Variants in LRRC37A2 observed in about 807,000 individuals in gnomAD.
LRRC37A2 encodes the protein leucine-rich repeat-containing protein 37A2.
LRRC37A2 carries 9 observed loss-of-function variants against 68.8 expected under a neutral mutation model. The ratio of observed to expected loss-of-function variants is 0.13; its 90% CI spans 0.08 to 0.23. LRRC37A2 has a LOEUF of 0.23. Ranked by LOEUF, LRRC37A2 falls within the 10% of genes least tolerant of loss-of-function variation. The probability of loss-of-function intolerance (pLI) is 1.00; values close to 1 mark genes in which losing one functional copy is unlikely to be tolerated. For synonymous variants in LRRC37A2, 63 were observed against 367.6 expected (o/e 0.17, Z 9.48); for missense variants, 168 against 950.4 (o/e 0.18, Z 10.82).
chr17:46,996,376 C>G, the LRRC37A2 span, among the ~76,000 whole-genome samples: 1 of 152,220 alleles, frequency 6.6e-6, no homozygotes, highest in African/African-American at 2.4e-5. Flanking sequence ...GCCCAACCAG[C>G]CAAGACACTG....
chr17:46,907,088 C>T, the LRRC37A2 span, among the ~76,000 whole-genome samples: 1 of 152,222 alleles, frequency 6.6e-6, no homozygotes, highest in South Asian at 2.1e-4. Context: ...AGATGGCTTT[C>T]CTCTCCACCG....
the LRRC37A2 span, among the ~76,000 whole-genome samples, chr17:46,849,627 C>T: frequency 1.3e-5 from 2 of 152,324 alleles, no homozygotes; most frequent in South Asian, 2.1e-4. Context: ...GCTAGCTGTG[C>T]ACATCTCTTC....
the LRRC37A2 span, among the ~76,000 whole-genome samples, chr17:46,887,980 C>T: frequency 2.0e-5 from 3 of 152,216 alleles, no homozygotes; most frequent in African/African-American, 4.8e-5. Context: ...GGCAGCCAAA[C>T]TCAGTGGCTG....
chr17:46,974,530 C>A, the LRRC37A2 span, among the ~76,000 whole-genome samples: 2 of 152,054 alleles, frequency 1.3e-5, no homozygotes, highest in Non-Finnish European at 2.9e-5. Flanking sequence ...GTCAGGAGAT[C>A]GAGAGCATCC....
the LRRC37A2 span, among the ~76,000 whole-genome samples, chr17:46,599,977 A>G: frequency 1.3e-5 from 1 of 76,762 alleles, no homozygotes; most frequent in Non-Finnish European, 2.4e-5. Flanking sequence ...TTTTTTTTAG[A>G]GGCTGAGTCT....
At chr17:46,745,042 CTT>C in the LRRC37A2 span, among the ~76,000 whole-genome samples, 5 of 150,310 alleles carry the variant, frequency 3.3e-5, no homozygotes, top group African/African-American at 7.3e-5. Flanking sequence ...TCACTCTGTG[CTT>C]TTTTTTTTGC....
the LRRC37A2 span, among the ~76,000 whole-genome samples, chr17:46,914,336 A>G: frequency 6.6e-6 from 1 of 151,932 alleles, no homozygotes; most frequent in Admixed American, 6.6e-5. Flanking sequence ...CTAATAGTTT[A>G]AGAGAAGGGA....
At chr17:46,916,403 G>C in the LRRC37A2 span, among the ~76,000 whole-genome samples, 16 of 152,330 alleles carry the variant, frequency 1.1e-4, no homozygotes, top group African/African-American at 3.1e-4. Flanking sequence ...GAAGGCAGGG[G>C]TGCAGTCAAC....
chr17:46,847,527 G>A, the LRRC37A2 span, among the ~76,000 whole-genome samples: 45 of 152,338 alleles, frequency 3.0e-4, no homozygotes, highest in Admixed American at 2.9e-3. Flanking sequence ...ATAAGGCTAT[G>A]ACAAGAAGGC....
the LRRC37A2 span, among the ~76,000 whole-genome samples, chr17:47,004,408 C>A: frequency 6.6e-6 from 1 of 152,260 alleles, no homozygotes; most frequent in Non-Finnish European, 1.5e-5. Flanking sequence ...GCACTTCCCA[C>A]AGCACAGACA....
the LRRC37A2 span, among the ~76,000 whole-genome samples, chr17:46,716,261 C>CTTT: frequency 2.0e-4 from 29 of 143,758 alleles, no homozygotes; most frequent in African/African-American, 7.2e-4. Context: ...CTTGCCCCTC[C>CTTT]TTTTTTTTTT....
the LRRC37A2 span, among the ~76,000 whole-genome samples, chr17:46,437,815 A>G: frequency 1.0e-5 from 1 of 97,064 alleles, no homozygotes; most frequent in Non-Finnish European, 2.6e-5. Context: ...TATAATTAGT[A>G]TATTGCTAAT....
chr17:46,779,088 CACACACACACA>C, the LRRC37A2 span, among the ~76,000 whole-genome samples: 5 of 148,058 alleles, frequency 3.4e-5, no homozygotes, highest in East Asian at 1.1e-3. Flanking sequence ...CACACACACA[CACACACACACA>C]CACACCCCAG....
the LRRC37A2 span, chr17:46,749,842 G>A: frequency 8.7e-6 from 14 of 1,614,008 alleles, no homozygotes; most frequent in African/African-American, 1.3e-5. Flanking sequence ...AATGCTTAAC[G>A]CTTTCAGCAC....
At chr17:46,831,099 C>T in the LRRC37A2 span, among the ~76,000 whole-genome samples, 1 of 152,176 alleles carries the variant, frequency 6.6e-6, no homozygotes. Context: ...GGTATGCATG[C>T]AGCTATAGAG....
the LRRC37A2 span, chr17:46,978,273 G>A: frequency 3.6e-6 from 1 of 274,004 alleles, no homozygotes; most frequent in Non-Finnish European, 6.8e-6. Context: ...CACTCGCACC[G>A]TGTTCCGAAC....
chr17:46,962,121 C>G, the LRRC37A2 span, among the ~76,000 whole-genome samples: 1 of 152,038 alleles, frequency 6.6e-6, no homozygotes, highest in Non-Finnish European at 1.5e-5. Flanking sequence ...AAGTCAGAAG[C>G]TCGAGACCAG....
At chr17:46,681,575 T>C in the LRRC37A2 span, among the ~76,000 whole-genome samples, 1 of 150,692 alleles carries the variant, frequency 6.6e-6, no homozygotes, top group East Asian at 2.0e-4. Flanking sequence ...AAAAAAAACC[T>C]AGTAAGCTGT....
chr17:46,837,158 G>C, the LRRC37A2 span, among the ~76,000 whole-genome samples: 1 of 152,190 alleles, frequency 6.6e-6, no homozygotes, highest in Admixed American at 6.5e-5. Context: ...GGCCAGGCTG[G>C]TCTTGATCTC....
Sources: gnomAD v4.1 joint callset for allele counts (sites outside exome capture counted in the v4.1 genomes callset) on GRCh38, gnomAD v4.1.1 for gene constraint, MANE v1.5 for transcripts, NCBI Gene and HGNC (gene_info 2026-07-23, HGNC 2026-07-21) for gene names.